The following GALNT18 variants were observed in gnomAD, a reference collection of about 807,000 sequenced individuals.
GALNT18 encodes the protein polypeptide N-acetylgalactosaminyltransferase 18.
In GALNT18, 44 loss-of-function variants were observed where a neutral mutation model predicts 69.5. That is an observed-to-expected ratio of 0.63 (90% CI 0.50 to 0.81). The LOEUF is 0.81. Ranked by LOEUF, GALNT18 falls within the 40% of genes least tolerant of loss-of-function variation. The pLI is 0.00. For missense variants in GALNT18, 715 were observed against 810.0 expected, an observed-to-expected ratio of 0.88 and a Z score of 1.42; for synonymous variants, 364 against 318.2, an observed-to-expected ratio of 1.14 and a Z score of -1.53.
At position 11,621,671 on chromosome 11, in the gene GALNT18, C is replaced by G. The variant is rs1860198101; in HGVS notation, c.-78G>C. ...CCCCGAACTCCCCCGCGCTCGCACC[C>G]CGTAGCACGTCCGGAGCCGCTGGGC... On this transcript the variant is annotated 5_prime_UTR_variant, in exon 1 of 11. Transcript: ENST00000227756. This position sits in a 1 kb window ranked among gnomAD's most constrained non-coding sequence, Gnocchi z 9.3. 11 of 1,104,774 alleles carry G rather than the reference C, an allele frequency of 1.0e-5. No homozygotes were observed. Among genetic ancestry groups the G allele is most frequent in the Non-Finnish European group, 1.4e-5 (11 of 759,036 alleles). The allele number at this position is 1,104,774 out of a possible 1,614,324, so 68.4% of individuals were successfully genotyped here. A position where few individuals can be genotyped will look rare whatever the true frequency, so the allele number is the denominator to read the frequency against.
intron 3 of GALNT18, among the ~76,000 whole-genome samples, chr11:11,425,181 G>C (rs1443490451): frequency 6.6e-6 from 1 of 152,202 alleles, no homozygotes; most frequent in Non-Finnish European, 1.5e-5. Flanking sequence ...CATCTCTTGA[G>C]GCCCGCTGAG....
intron 3 of GALNT18, among the ~76,000 whole-genome samples, chr11:11,422,131 G>A (rs1304333829): frequency 6.6e-6 from 1 of 152,244 alleles, no homozygotes; most frequent in Non-Finnish European, 1.5e-5. Context: ...GTCAGGGCTT[G>A]AATCAACAGG....
At chr11:11,578,071 T>C (rs1244850359) in intron 1 of GALNT18, among the ~76,000 whole-genome samples, 1 of 152,190 alleles carries the variant, frequency 6.6e-6, no homozygotes, top group Non-Finnish European at 1.5e-5. Context: ...CTTGCCAGCA[T>C]TGACCTGGGG....
At chr11:11,447,663 G>C (rs188595193) in intron 2 of GALNT18, among the ~76,000 whole-genome samples, 3 of 152,316 alleles carry the variant, frequency 2.0e-5, no homozygotes, top group African/African-American at 7.2e-5. Context: ...AGGGTGGCAG[G>C]AGAGAGAATG....
chr11:11,282,053 C>A (rs1333622381), intron 10 of GALNT18, among the ~76,000 whole-genome samples: 1 of 152,030 alleles, frequency 6.6e-6, no homozygotes, highest in Non-Finnish European at 1.5e-5. Flanking sequence ...AGCTCTTCAA[C>A]AAAAATTATA....
intron 1 of GALNT18, among the ~76,000 whole-genome samples, chr11:11,519,405 A>G (rs1857346893): frequency 6.6e-6 from 1 of 152,162 alleles, no homozygotes; most frequent in Non-Finnish European, 1.5e-5. Context: ...TGTTCACGGA[A>G]GAGCACAGCC....
At chr11:11,479,389 T>C (rs1341869088) in intron 1 of GALNT18, among the ~76,000 whole-genome samples, 1 of 152,164 alleles carries the variant, frequency 6.6e-6, no homozygotes, top group Non-Finnish European at 1.5e-5. Flanking sequence ...AGCCAAATCC[T>C]TATCGACTAT....
At chr11:11,409,986 G>T (rs61870275) in intron 3 of GALNT18, among the ~76,000 whole-genome samples, 1 of 152,112 alleles carries the variant, frequency 6.6e-6, no homozygotes, top group South Asian at 2.1e-4. Flanking sequence ...CCAGGGTTAC[G>T]CCCTGCAGCA....
chr11:11,482,958 T>C (rs552040803), intron 1 of GALNT18, among the ~76,000 whole-genome samples: 11 of 152,308 alleles, frequency 7.2e-5, no homozygotes, highest in African/African-American at 2.2e-4. Context: ...CAGACCTACC[T>C]CATCATAATC....
At chr11:11,448,316 G>A (rs1855706286) in intron 2 of GALNT18, among the ~76,000 whole-genome samples, 1 of 152,178 alleles carries the variant, frequency 6.6e-6, no homozygotes, top group Admixed American at 6.5e-5. Context: ...ACATCCTTCT[G>A]TAACAAAGAG....
In GALNT18 at chr11:11,377,074, T is replaced by C; in HGVS notation, c.977+108A>G. On this transcript the variant is annotated intron_variant, in intron 5 of 10. Transcript: ENST00000227756. The surrounding 1 kb of genome is among the most constrained non-coding windows in gnomAD (Gnocchi z 4.6). Reference sequence around the variant, plus strand: ...AGTTCCTTTCGACCCTGCCCACCCCTGTCATCCCCACGATGGGGCTCAAGT... The same window carrying C: ...AGTTCCTTTCGACCCTGCCCACCCCCGTCATCCCCACGATGGGGCTCAAGT... The C allele has an allele frequency of 8.7e-6, 9 of 1,040,402 alleles. No individual in the cohort carries two copies. The highest frequency in any genetic ancestry group is 1.2e-5 in the Non-Finnish European group (8 of 690,904). 64.4% of individuals were successfully genotyped at this position (1,040,402 alleles called of 1,614,324 possible).
chr11:11,615,988 T>C (rs1860035894), intron 1 of GALNT18, among the ~76,000 whole-genome samples: 1 of 151,484 alleles, frequency 6.6e-6, no homozygotes, highest in Non-Finnish European at 1.5e-5. Context: ...AGTCTTTTTT[T>C]CTTCTTCTTC....
intron 3 of GALNT18, among the ~76,000 whole-genome samples, chr11:11,399,970 C>T (rs1564929639): frequency 6.6e-6 from 1 of 152,200 alleles, no homozygotes; most frequent in Non-Finnish European, 1.5e-5. Context: ...TTTTTATCTT[C>T]AAAAATGAAG....
rs1022908641 is a variant in GALNT18 at position 11,396,255 on chromosome 11, G to A, written c.596-16991C>T. ...GCGGCTGGGTCTGTCAGTGGTGTTCGCAAACAGTGTTTGGCTTTCTCGATT... is the reference window on the plus strand; with the variant it reads ...GCGGCTGGGTCTGTCAGTGGTGTTCACAAACAGTGTTTGGCTTTCTCGATT... On this transcript the variant is annotated intron_variant, in intron 3 of 10. Transcript: ENST00000227756. The surrounding 1 kb of genome is among the most constrained non-coding windows in gnomAD (Gnocchi z 5.2). Among the ~76,000 whole-genome samples, 2 of 152,240 alleles carry A rather than the reference G, an allele frequency of 1.3e-5. No individual in the cohort carries two copies. Among genetic ancestry groups the A allele is most frequent in the Non-Finnish European group, 2.9e-5 (2 of 68,042 alleles).
Position 11,332,972 on chromosome 11 carries a change from T to C in GALNT18, c.1279-141A>G. The C allele has an allele frequency of 1.2e-6, 1 of 841,162 alleles. No individual in the cohort carries two copies. The highest frequency in any genetic ancestry group is 1.7e-5 in the African/African-American group (1 of 60,230). The allele number at this position is 841,162 out of a possible 1,614,324, so 52.1% of individuals were successfully genotyped here. The stretch of plus-strand genomic sequence containing the variant: ...ACCATGTGGCACGTTAACTCTTGCA[T>C]TTTCCCACGGGTACCTTAACCCCGT... On this transcript the variant is annotated intron_variant, in intron 7 of 10. Coordinates refer to ENST00000227756, the MANE Select transcript of GALNT18 (RefSeq NM_198516.3). This position sits in a 1 kb window ranked among gnomAD's most constrained non-coding sequence, Gnocchi z 4.3.
chr11:11,431,135 T>A (rs922093415), intron 3 of GALNT18, among the ~76,000 whole-genome samples: 3 of 152,194 alleles, frequency 2.0e-5, no homozygotes, highest in Non-Finnish European at 4.4e-5. Flanking sequence ...GCTCCGAGAT[T>A]TCTTCCTCCT....
chr11:11,404,406 T>C lies in GALNT18; in HGVS notation c.596-25142A>G, dbSNP rs577023162. On this transcript the variant is annotated intron_variant, in intron 3 of 10. Transcript: ENST00000227756. This position sits in a 1 kb window ranked among gnomAD's most constrained non-coding sequence, Gnocchi z 4.5. The stretch of plus-strand genomic sequence containing the variant: ...CTAGGGAAAGCAAATGCCCATGAAA[T>C]TTAGCAAGGCAAGAGGAGCAGGAGC... 6.6e-6 allele frequency among the ~76,000 whole-genome samples: 1 copy of C among 152,236 alleles called. No homozygotes were observed. The highest frequency in any genetic ancestry group is 2.4e-5 in the African/African-American group (1 of 41,530).
At position 11,469,029 on chromosome 11, in the gene GALNT18, T is replaced by C. The variant is rs951821331; in HGVS notation, c.236-20093A>G. On this transcript the variant is annotated intron_variant, in intron 1 of 10. Transcript: ENST00000227756. This position sits in a 1 kb window ranked among gnomAD's most constrained non-coding sequence, Gnocchi z 4.2. ...TGGCCATACAGCGGTTGCCAGGGTT[T>C]GGTAGGGACAGTGTGTTGGGCACAA... Among the ~76,000 whole-genome samples the C allele has an allele frequency of 1.1e-4, 16 of 152,294 alleles. No individual in the cohort carries two copies. In the East Asian group the frequency reaches 1.4e-3, roughly 13 times the overall value.
intron 1 of GALNT18, among the ~76,000 whole-genome samples, chr11:11,503,228 G>A (rs922739907): frequency 6.6e-6 from 1 of 152,196 alleles, no homozygotes; most frequent in African/African-American, 2.4e-5. Flanking sequence ...TGGAGTCAGA[G>A]AAGCCTAATT....
Sources: allele counts gnomAD v4.1 joint callset (sites outside exome capture counted in the v4.1 genomes callset), GRCh38; gene constraint gnomAD v4.1.1; non-coding constraint Gnocchi (gnomAD v3.1); transcripts MANE v1.5; gene names NCBI Gene and HGNC (gene_info 2026-07-23, HGNC 2026-07-21).